Variants in DCAF6 observed in about 807,000 individuals in gnomAD.
DCAF6 encodes DDB1- and CUL4-associated factor 6.
In DCAF6, 54 loss-of-function variants were observed where a neutral mutation model predicts 125.1. The observed-to-expected ratio is 0.43, with a 90% CI of 0.35 to 0.54. The LOEUF is 0.54. Among genes scored for constraint, DCAF6 ranks in the 20% least tolerant of loss-of-function variants. The pLI, the probability that DCAF6 is intolerant of heterozygous loss-of-function variation, is 0.01. For missense variants in DCAF6, 934 were observed against 1,161.7 expected (o/e 0.80, Z 2.85); for synonymous variants, 371 against 390.4 (o/e 0.95, Z 0.58).
At chr1:167,905,186 C>T in the DCAF6 span, 1 of 1,608,014 alleles carries the variant, frequency 6.2e-7, no homozygotes, top group Non-Finnish European at 8.5e-7. Context: ...GAAGCAGTCT[C>T]CAAATAGGTC....
intron 7 of DCAF6, among the ~76,000 whole-genome samples, chr1:167,995,901 CAA>C (rs1197421165): frequency 2.0e-5 from 3 of 152,044 alleles, no homozygotes. Context: ...GATGACCAGA[CAA>C]AGACATGATC....
At chr1:167,994,334 G>A (rs1681318216) in intron 7 of DCAF6, among the ~76,000 whole-genome samples, 1 of 152,018 alleles carries the variant, frequency 6.6e-6, no homozygotes, top group African/African-American at 2.4e-5. Context: ...CAGAAAAGGC[G>A]ATTAAAATAA....
At chr1:167,876,416 TA>T in the DCAF6 span, among the ~76,000 whole-genome samples, 73 of 152,294 alleles carry the variant, frequency 4.8e-4, no homozygotes, top group African/African-American at 1.7e-3. Flanking sequence ...GCTCACTCCA[TA>T]ACACTATCTC....
At chr1:167,940,849 T>C (rs1483603613) in intron 1 of DCAF6, among the ~76,000 whole-genome samples, 1 of 152,202 alleles carries the variant, frequency 6.6e-6, no homozygotes, top group East Asian at 1.9e-4. Context: ...TTATTTATTA[T>C]AATGTATAAA....
the DCAF6 span, among the ~76,000 whole-genome samples, chr1:167,892,448 G>A: frequency 3.3e-3 from 495 of 152,224 alleles, 2 homozygotes; most frequent in African/African-American, 0.011. Context: ...CCTCTTAGCT[G>A]TACCTCTTCA....
chr1:167,949,290 C>T (rs778352392), intron 1 of DCAF6, among the ~76,000 whole-genome samples: 6 of 152,106 alleles, frequency 3.9e-5, no homozygotes, highest in South Asian at 2.1e-4. Context: ...TGAACATCTT[C>T]GGAGCAGAGG....
intron 1 of DCAF6, among the ~76,000 whole-genome samples, chr1:167,948,224 A>G (rs897786833): frequency 6.7e-6 from 1 of 149,712 alleles, no homozygotes; most frequent in East Asian, 2.0e-4. Context: ...CAGTCTGATT[A>G]TAATGTTGCC....
the DCAF6 span, among the ~76,000 whole-genome samples, chr1:167,923,335 T>TA: frequency 1.3e-4 from 20 of 152,216 alleles, no homozygotes; most frequent in East Asian, 3.7e-3. Flanking sequence ...CAAAATGTGG[T>TA]AAATACATAC....
At chr1:167,966,502 T>G in intron 2 of DCAF6, 127 bp from the exon 3 acceptor site, 2 of 662,830 alleles carry the variant, frequency 3.0e-6, no homozygotes, top group Non-Finnish European at 5.4e-6. Flanking sequence ...TGGACACCCC[T>G]ATGTTAAATA....
Position 167,940,192 on chromosome 1 carries a change from A to G in DCAF6, c.97+3184A>G, listed in dbSNP as rs78554176. Among the ~76,000 whole-genome samples the G allele has an allele frequency of 2.9e-3, 445 of 152,352 alleles. 1 individual carries two copies. Among genetic ancestry groups the G allele is most frequent in the African/African-American group, 0.01 (423 of 41,578 alleles). On this transcript the variant is annotated intron_variant, in intron 1 of 21. Transcript: ENST00000367840. The stretch of plus-strand genomic sequence containing the variant: ...TTCCTATTATGTTGTGGGAATGAAG[A>G]TGAATAATTTCCCAGATGTTATTTA...
At chr1:167,982,352 C>T (rs1363437902) in intron 4 of DCAF6, among the ~76,000 whole-genome samples, 1 of 152,148 alleles carries the variant, frequency 6.6e-6, no homozygotes, top group African/African-American at 2.4e-5. Flanking sequence ...AGCGATTCTC[C>T]TGCCTCAGCC....
the DCAF6 span, among the ~76,000 whole-genome samples, chr1:167,920,790 G>A: frequency 1.3e-5 from 2 of 152,028 alleles, no homozygotes; most frequent in Non-Finnish European, 2.9e-5. Context: ...CAAAAAAAAA[G>A]CACAATGAAT....
the DCAF6 span, among the ~76,000 whole-genome samples, chr1:167,884,694 A>ATTTTTT: frequency 2.8e-5 from 3 of 108,628 alleles, no homozygotes; most frequent in African/African-American, 3.7e-5. Flanking sequence ...AATCATTTTA[A>ATTTTTT]TTTTTTTTTT....
At chr1:168,034,641 C>T (rs928262073) in intron 12 of DCAF6, among the ~76,000 whole-genome samples, 6 of 152,240 alleles carry the variant, frequency 3.9e-5, no homozygotes, top group African/African-American at 1.4e-4. Flanking sequence ...ATGTATATAT[C>T]TTGGCACACA....
the DCAF6 span, among the ~76,000 whole-genome samples, chr1:167,888,577 T>C: frequency 6.6e-6 from 1 of 152,168 alleles, no homozygotes; most frequent in Non-Finnish European, 1.5e-5. Flanking sequence ...TGTTAGCATA[T>C]AGAAATGCTG....
At chr1:168,017,835 C>T (rs12059506) in intron 11 of DCAF6, among the ~76,000 whole-genome samples, 4,565 of 152,150 alleles carry the variant, frequency 0.03, 234 homozygotes, top group African/African-American at 0.1. Context: ...GTGCGTTTCT[C>T]ATATGTAAGA....
chr1:168,036,711 TATTA>T (rs111518874), intron 12 of DCAF6, among the ~76,000 whole-genome samples: 4,566 of 152,316 alleles, frequency 0.03, 195 homozygotes, highest in African/African-American at 0.1. Flanking sequence ...GCTAAAGGTC[TATTA>T]ATTCAGTTAT....
At chr1:168,060,532 G>A (rs780379649) in intron 17 of DCAF6, among the ~76,000 whole-genome samples, 16 of 152,110 alleles carry the variant, frequency 1.1e-4, no homozygotes, top group East Asian at 3.9e-4. Context: ...TACAGTTCTC[G>A]TTTATTCATA....
chr1:167,931,577 CTT>C (rs1286925402), upstream of DCAF6, among the ~76,000 whole-genome samples: 1 of 151,734 alleles, frequency 6.6e-6, no homozygotes, highest in Non-Finnish European at 1.5e-5. Context: ...ATATTAATAT[CTT>C]AGACTGGCAT....
Sources: allele counts gnomAD v4.1 joint callset (sites outside exome capture counted in the v4.1 genomes callset), GRCh38; gene constraint gnomAD v4.1.1; transcripts MANE v1.5; gene names NCBI Gene and HGNC (gene_info 2026-07-23, HGNC 2026-07-21).